REC114: variants seen among roughly 807,000 people sequenced by gnomAD.
REC114 encodes the protein REC114 meiotic recombination protein, also known as meiotic recombination protein REC114.
Under a neutral mutation model 31.3 loss-of-function variants are expected in REC114, and 27 were observed. The observed-to-expected ratio is 0.86, with a 90% CI of 0.64 to 1.19. The LOEUF (loss-of-function observed/expected upper bound fraction) is 1.19, where lower values mean the gene tolerates loss of function less well. REC114 is among the 50% of genes most tolerant of loss of function. The pLI, the probability that REC114 is intolerant of heterozygous loss-of-function variation, is 0.00. For missense variants in REC114, 344 were observed against 326.9 expected, an observed-to-expected ratio of 1.05 and a Z score of -0.40; for synonymous variants, 134 against 127.7, an observed-to-expected ratio of 1.05 and a Z score of -0.33.
intron 1 of REC114, among the ~76,000 whole-genome samples, chr15:73,460,768 T>C (rs1892979193): frequency 6.6e-6 from 1 of 152,194 alleles, no homozygotes; most frequent in South Asian, 2.1e-4. Context: ...GTATTTGTTA[T>C]AGAAATAACC....
chr15:73,520,178 C>T (rs115339831), intron 2 of REC114, among the ~76,000 whole-genome samples: 1,639 of 152,004 alleles, frequency 0.011, 35 homozygotes, highest in African/African-American at 0.038. Flanking sequence ...CAACAAATTA[C>T]ATAAATAGAT....
chr15:73,477,681 G>T (rs1302876895), intron 2 of REC114, among the ~76,000 whole-genome samples: 2 of 152,158 alleles, frequency 1.3e-5, no homozygotes, highest in East Asian at 1.9e-4. Flanking sequence ...GCTTCCCAAA[G>T]TGTTGGGATT....
Position 73,513,876 on chromosome 15 carries a change from C to T in REC114, c.250-26609C>T, listed in dbSNP as rs1003625010. The stretch of plus-strand genomic sequence containing the variant: ...TGTCAGACAGGGACATTTAAGTCTG[C>T]AGAGGTTACTGCTGTCTTTTTGTTT... On this transcript the variant is annotated intron_variant, in intron 2 of 5. Transcript: ENST00000331090. Among the ~76,000 whole-genome samples, 21 of 152,046 alleles carry T rather than the reference C, an allele frequency of 1.4e-4. No individual in the cohort carries two copies. The East Asian group carries it at 1.8e-3, about 13-fold the overall frequency.
chr15:73,477,656 G>A (rs549376120), intron 2 of REC114, among the ~76,000 whole-genome samples: 8 of 152,058 alleles, frequency 5.3e-5, no homozygotes, highest in African/African-American at 9.7e-5. Flanking sequence ...GGACTCAGGC[G>A]ATCCTCTCAC....
intron 3 of REC114, among the ~76,000 whole-genome samples, chr15:73,544,166 T>G (rs749415239): frequency 1.5e-4 from 23 of 152,110 alleles, no homozygotes; most frequent in Non-Finnish European, 3.4e-4. Flanking sequence ...TATAGTTTAT[T>G]TAATACCTTT....
intron 2 of REC114, among the ~76,000 whole-genome samples, chr15:73,481,844 A>G (rs1484548747): frequency 6.6e-6 from 1 of 151,770 alleles, no homozygotes; most frequent in Admixed American, 6.6e-5. Flanking sequence ...TATTTTTAGT[A>G]GAGATGGGGT....
rs191695636 is a variant in REC114 at position 73,475,629 on chromosome 15, T to C, written c.249+1708T>C. ...TGTTTTTTAAAATTTTTTTGAAGTT[T>C]ATAATGTAAAAATGTTACAGTAAGC... On this transcript the variant is annotated intron_variant, in intron 2 of 5. Transcript: ENST00000331090. Among the ~76,000 whole-genome samples the C allele has an allele frequency of 1.8e-3, 276 of 152,348 alleles. 1 individual carries two copies. Among genetic ancestry groups the C allele is most frequent in the African/African-American group, 6.4e-3 (266 of 41,574 alleles).
intron 2 of REC114, among the ~76,000 whole-genome samples, chr15:73,498,159 GT>G (rs200817288): frequency 0.04 from 5,867 of 146,454 alleles, 169 homozygotes; most frequent in African/African-American, 0.082. Context: ...TATTACTCTT[GT>G]TTTTTTTTTT....
chr15:73,494,491 C>CAAA (rs769659178), intron 2 of REC114, among the ~76,000 whole-genome samples: 1 of 84,158 alleles, frequency 1.2e-5, no homozygotes, highest in African/African-American at 3.9e-5. Flanking sequence ...GACCCTGTCT[C>CAAA]AAAAAAAAAA....
rs539377836 is a variant in REC114 at position 73,500,706 on chromosome 15, A to C, written c.249+26785A>C. Among the ~76,000 whole-genome samples the C allele has an allele frequency of 7.9e-5, 12 of 151,074 alleles. No homozygotes were observed. In the South Asian group the frequency reaches 2.3e-3, roughly 29 times the overall value. On this transcript the variant is annotated intron_variant, in intron 2 of 5. Transcript: ENST00000331090. ...TTTTTAAATGTCTGTTTGTTTTTTAAAGCCTGTTCTCTTCAATTATTGTTT... is the reference window on the plus strand; with the variant it reads ...TTTTTAAATGTCTGTTTGTTTTTTACAGCCTGTTCTCTTCAATTATTGTTT...
At chr15:73,539,940 G>A (rs1894216377) in intron 2 of REC114, among the ~76,000 whole-genome samples, 1 of 152,228 alleles carries the variant, frequency 6.6e-6, no homozygotes, top group African/African-American at 2.4e-5. Context: ...TTTGAGACTT[G>A]TGTGCCCTCT....
At chr15:73,524,821 ACTC>A (rs1285375982) in intron 2 of REC114, among the ~76,000 whole-genome samples, 2 of 151,716 alleles carry the variant, frequency 1.3e-5, no homozygotes, top group East Asian at 3.9e-4. Context: ...CTGGTCTTGA[ACTC>A]CTGGCTTCAA....
intron 1 of REC114, among the ~76,000 whole-genome samples, chr15:73,454,731 T>A (rs1181884676): frequency 6.6e-6 from 1 of 152,192 alleles, no homozygotes; most frequent in Non-Finnish European, 1.5e-5. Flanking sequence ...TGGTGACATA[T>A]TTAATTTTTG....
chr15:73,486,256 C>A (rs533004436), intron 2 of REC114, among the ~76,000 whole-genome samples: 2 of 152,272 alleles, frequency 1.3e-5, no homozygotes, highest in Non-Finnish European at 1.5e-5. Flanking sequence ...CACCACCATG[C>A]CCAGCTAATT....
intron 5 of REC114, 30 bp downstream of exon 5, chr15:73,556,421 T>G: frequency 1.9e-6 from 3 of 1,580,868 alleles, no homozygotes; most frequent in Non-Finnish European, 2.6e-6. Context: ...TCAATTTTCT[T>G]GTCATGAGAA....
intron 1 of REC114, among the ~76,000 whole-genome samples, chr15:73,452,652 C>A (rs1892866500): frequency 6.6e-6 from 1 of 152,114 alleles, no homozygotes; most frequent in Non-Finnish European, 1.5e-5. Context: ...TCATGTGGAA[C>A]CAAAAAAGAG....
At chr15:73,526,771 C>T (rs1047974891) in intron 2 of REC114, among the ~76,000 whole-genome samples, 1 of 152,084 alleles carries the variant, frequency 6.6e-6, no homozygotes, top group Admixed American at 6.5e-5. Flanking sequence ...ATATCTAGTA[C>T]TTTTTGATCA....
At chr15:73,534,158 G>A (rs1894123607) in intron 2 of REC114, among the ~76,000 whole-genome samples, 1 of 150,858 alleles carries the variant, frequency 6.6e-6, no homozygotes, top group African/African-American at 2.4e-5. Context: ...ACATTCAAAA[G>A]CTAGCAGAAG....
intron 2 of REC114, among the ~76,000 whole-genome samples, chr15:73,515,232 G>C (rs1893841406): frequency 6.6e-6 from 1 of 151,938 alleles, no homozygotes; most frequent in South Asian, 2.1e-4. Flanking sequence ...TGCCTAGCCA[G>C]ATTTCTTTTT....
Sources: gnomAD v4.1 joint callset for allele counts (sites outside exome capture counted in the v4.1 genomes callset) on GRCh38, gnomAD v4.1.1 for gene constraint, MANE v1.5 for transcripts, NCBI Gene and HGNC (gene_info 2026-07-23, HGNC 2026-07-21) for gene names.